Variants in PPCDC observed in about 807,000 individuals in gnomAD.
The protein encoded by PPCDC is phosphopantothenoylcysteine decarboxylase.
Under a neutral mutation model 20.7 loss-of-function variants are expected in PPCDC, and 20 were observed. The observed-to-expected ratio is 0.97, with a 90% CI of 0.68 to 1.41. The LOEUF is 1.41. PPCDC is among the 40% of genes most tolerant of loss of function. The pLI, the probability that PPCDC is intolerant of heterozygous loss-of-function variation, is 0.00. For synonymous variants in PPCDC, 88 were observed against 100.3 expected, an observed-to-expected ratio of 0.88 and a Z score of 0.73; for missense variants, 246 against 263.8, an observed-to-expected ratio of 0.93 and a Z score of 0.47.
intron 4 of PPCDC, 187 bp downstream of exon 4, chr15:75,044,701 G>A: frequency 2.8e-6 from 2 of 726,966 alleles, no homozygotes; most frequent in Non-Finnish European, 4.3e-6. Context: ...GCACAGCCCT[G>A]GTCCTGATGG....
At position 75,049,284 on chromosome 15, in the gene PPCDC, G is replaced by A. The variant is rs753760438; in HGVS notation, c.*49G>A. On this transcript the variant is annotated 3_prime_UTR_variant, in exon 6 of 6. Transcript: ENST00000342932. ...CCCTCTGTACTCAGAATGGGTTCAGGCCAAGTCGGTGAAGATGGATGTTGG... is the reference window on the plus strand; with the variant it reads ...CCCTCTGTACTCAGAATGGGTTCAGACCAAGTCGGTGAAGATGGATGTTGG... The A allele has an allele frequency of 1.9e-6, 3 of 1,560,828 alleles. No homozygotes were observed. The highest frequency in any genetic ancestry group is 2.6e-6 in the Non-Finnish European group (3 of 1,133,062).
chr15:75,025,025 C>T (rs1034949102), intron 1 of PPCDC, among the ~76,000 whole-genome samples: 1 of 152,142 alleles, frequency 6.6e-6, no homozygotes, highest in African/African-American at 2.4e-5. Context: ...TCAAGCGATC[C>T]TCCTGCCTCA....
chr15:75,040,113 C>T lies in PPCDC; in HGVS notation c.136-3328C>T, dbSNP rs562754044. ...TCTCTTCTATTCCTTGACAAGGTCT[C>T]ACTTTGTCACCCAGGCTGGAGTGCA... On this transcript the variant is annotated intron_variant, in intron 2 of 5. Coordinates refer to ENST00000342932, the MANE Select transcript of PPCDC (RefSeq NM_021823.5). Among the ~76,000 whole-genome samples the T allele has an allele frequency of 6.6e-5, 10 of 151,440 alleles. No homozygotes were observed. In the South Asian group the frequency reaches 1.7e-3, roughly 25 times the overall value.
chr15:75,048,265 G>A (rs1296400494), intron 4 of PPCDC, among the ~76,000 whole-genome samples: 1 of 151,982 alleles, frequency 6.6e-6, no homozygotes, highest in Non-Finnish European at 1.5e-5. Context: ...TTTCCCAGGA[G>A]GTGTGAGCCT....
intron 4 of PPCDC, among the ~76,000 whole-genome samples, chr15:75,047,034 C>A (rs754067270): frequency 6.6e-6 from 1 of 152,242 alleles, no homozygotes; most frequent in Admixed American, 6.5e-5. Context: ...GAGATGTCAC[C>A]GTGGGAACCG....
chr15:75,038,884 T>C lies in PPCDC; in HGVS notation c.136-4557T>C, dbSNP rs187245232. ...TTTCTTTATCTTTTTTTTTCTCCTT[T>C]CTGGAAGATTTCTTTTAGACTTGTG... On this transcript the variant is annotated intron_variant, in intron 2 of 5. Coordinates refer to ENST00000342932, the MANE Select transcript of PPCDC (RefSeq NM_021823.5). Among the ~76,000 whole-genome samples the C allele has an allele frequency of 1.0e-3, 159 of 152,282 alleles. 2 individuals carry two copies. Among genetic ancestry groups the C allele is most frequent in the African/African-American group, 3.8e-3 (156 of 41,570 alleles).
At chr15:75,048,871 C>T in intron 5 of PPCDC, 150 bp downstream of exon 5, 2 of 1,173,098 alleles carry the variant, frequency 1.7e-6, no homozygotes, top group Middle Eastern at 2.3e-4. Flanking sequence ...ATCGTAATTC[C>T]TGCCTCCAGA....
chr15:75,034,375 A>C (rs1269796379), intron 2 of PPCDC, among the ~76,000 whole-genome samples: 1 of 152,136 alleles, frequency 6.6e-6, no homozygotes, highest in Non-Finnish European at 1.5e-5. Flanking sequence ...ACTGAGCCCT[A>C]GGAGAGGCCA....
chr15:75,040,232 G>A (rs1457813446), intron 2 of PPCDC, among the ~76,000 whole-genome samples: 1 of 152,060 alleles, frequency 6.6e-6, no homozygotes, highest in Non-Finnish European at 1.5e-5. Context: ...ATAGGTGTGT[G>A]CCACGATGCT....
intron 3 of PPCDC, 183 bp downstream of exon 3, chr15:75,043,719 C>CT: frequency 3.3e-6 from 2 of 599,218 alleles, no homozygotes; most frequent in Non-Finnish European, 5.8e-6. Flanking sequence ...GCAGGAGGCC[C>CT]TAGTCTCCTC....
intron 2 of PPCDC, among the ~76,000 whole-genome samples, chr15:75,038,338 G>C (rs191854034): frequency 6.6e-6 from 1 of 152,190 alleles, no homozygotes; most frequent in African/African-American, 2.4e-5. Flanking sequence ...GGGGGCTACT[G>C]ATGGTGGTGC....
At chr15:75,047,304 G>A (rs569164367) in intron 4 of PPCDC, among the ~76,000 whole-genome samples, 4 of 152,340 alleles carry the variant, frequency 2.6e-5, no homozygotes, top group East Asian at 3.9e-4. Context: ...CCCGGCTGCC[G>A]TATTGAGAGG....
chr15:75,029,362 G>A (rs1010130128), intron 2 of PPCDC, among the ~76,000 whole-genome samples: 1 of 152,128 alleles, frequency 6.6e-6, no homozygotes, highest in Admixed American at 6.5e-5. Context: ...CTAGTTTTTG[G>A]TGGGGTCTTG....
At chr15:75,032,217 G>T (rs561648592) in intron 2 of PPCDC, among the ~76,000 whole-genome samples, 2 of 152,294 alleles carry the variant, frequency 1.3e-5, no homozygotes, top group East Asian at 3.9e-4. Context: ...GCCAGGGCAG[G>T]TGTCAGCAGA....
chr15:75,050,514 C>T lies in PPCDC; in HGVS notation c.*1279C>T, dbSNP rs2066301968. ...CTGAGGCTGAGGCTGGCTTCCTGCC[C>T]TCTGGCTTCCAGGCCAGGTGTGAGG... On this transcript the variant is annotated 3_prime_UTR_variant, in exon 6 of 6. Coordinates refer to ENST00000342932, the MANE Select transcript of PPCDC (RefSeq NM_021823.5). The T allele has an allele frequency of 6.6e-6, 1 of 152,406 alleles. No homozygotes were observed. The highest frequency in any genetic ancestry group is 2.4e-5 in the African/African-American group (1 of 41,470). The allele number at this position is 152,406 out of a possible 1,614,324, so 9.4% of individuals were successfully genotyped here.
chr15:75,048,534 T>A lies in PPCDC; in HGVS notation c.361-19T>A, dbSNP rs764330600. On this transcript the variant is annotated intron_variant, in intron 4 of 5. Coordinates refer to ENST00000342932, the MANE Select transcript of PPCDC (RefSeq NM_021823.5). ...CAGACAGAGTAGCAAGACCCCCACT[T>A]CCCTGGCCTTCTTCACAGACCTGCG... is the stretch of plus-strand genomic sequence containing the variant. 3.1e-6 allele frequency: 5 copies of A among 1,611,200 alleles called. No individual in the cohort carries two copies. Among genetic ancestry groups the A allele is most frequent in the Non-Finnish European group, 4.2e-6 (5 of 1,178,416 alleles).
At chr15:75,031,216 G>T (rs1244811644) in intron 2 of PPCDC, among the ~76,000 whole-genome samples, 1 of 152,184 alleles carries the variant, frequency 6.6e-6, no homozygotes, top group African/African-American at 2.4e-5. Flanking sequence ...CCCAAAGGCA[G>T]CCTGAGAGAA....
At chr15:75,039,512 C>A (rs958205455) in intron 2 of PPCDC, among the ~76,000 whole-genome samples, 3 of 152,212 alleles carry the variant, frequency 2.0e-5, no homozygotes, top group African/African-American at 7.2e-5. Flanking sequence ...TTCTACAGGT[C>A]AGGAAGTCCT....
At chr15:75,039,526 G>T (rs2066127657) in intron 2 of PPCDC, among the ~76,000 whole-genome samples, 1 of 152,198 alleles carries the variant, frequency 6.6e-6, no homozygotes, top group African/African-American at 2.4e-5. Flanking sequence ...AAGTCCTCCT[G>T]TATTCAGCTA....
Sources: allele counts gnomAD v4.1 joint callset (sites outside exome capture counted in the v4.1 genomes callset), GRCh38; gene constraint gnomAD v4.1.1; transcripts MANE v1.5; gene names NCBI Gene and HGNC (gene_info 2026-07-23, HGNC 2026-07-21).